LIPA: variants seen among roughly 807,000 people sequenced by gnomAD.
The protein encoded by LIPA is lysosomal acid lipase/cholesteryl ester hydrolase.
Under a neutral mutation model 40.6 loss-of-function variants are expected in LIPA, and 26 were observed. The observed-to-expected ratio is 0.64, with a 90% CI of 0.47 to 0.89. The LOEUF (loss-of-function observed/expected upper bound fraction) is 0.89. LIPA is among the 40% of genes least tolerant of loss of function. The pLI is 0.00. For synonymous variants in LIPA, 188 were observed against 168.4 expected, an observed-to-expected ratio of 1.12 and a Z score of -0.90; for missense variants, 455 against 479.6, an observed-to-expected ratio of 0.95 and a Z score of 0.48.
chr10:89,343,543 G>A (rs192594271), upstream of LIPA, among the ~76,000 whole-genome samples: 17 of 152,292 alleles, frequency 1.1e-4, no homozygotes, highest in East Asian at 3.3e-3. Context: ...AAGACAAGAG[G>A]GCAGGAGAAG....
intron 1 of LIPA, among the ~76,000 whole-genome samples, chr10:89,331,724 T>G (rs531681771): frequency 3.8e-4 from 57 of 151,854 alleles, no homozygotes; most frequent in Non-Finnish European, 6.9e-4. Flanking sequence ...CCAGGCGTGG[T>G]GGCACGTGCC....
intron 1 of LIPA, among the ~76,000 whole-genome samples, chr10:89,324,670 A>G (rs1020033649): frequency 6.6e-6 from 1 of 152,234 alleles, no homozygotes; most frequent in Non-Finnish European, 1.5e-5. Context: ...CAAATTAACA[A>G]GCAAAAAAGC....
At chr10:89,237,977 A>G (rs1260255738) in intron 3 of LIPA, among the ~76,000 whole-genome samples, 1 of 152,250 alleles carries the variant, frequency 6.6e-6, no homozygotes, top group Admixed American at 6.5e-5. Context: ...AGAGAACATC[A>G]TGAAGGTCTG....
upstream of LIPA, among the ~76,000 whole-genome samples, chr10:89,346,824 G>C (rs1208930750): frequency 6.6e-6 from 1 of 152,232 alleles, no homozygotes; most frequent in Non-Finnish European, 1.5e-5. Flanking sequence ...CATGATGGCT[G>C]AGGAATCTGG....
At chr10:89,410,360 C>T (rs1841459785) in intron 2 of LIPA, among the ~76,000 whole-genome samples, 1 of 152,174 alleles carries the variant, frequency 6.6e-6, no homozygotes, top group African/African-American at 2.4e-5. Flanking sequence ...CACTTTTCTC[C>T]CAGAGGTTGG....
chr10:89,345,356 C>A (rs898016423), upstream of LIPA, among the ~76,000 whole-genome samples: 1 of 151,838 alleles, frequency 6.6e-6, no homozygotes, highest in Non-Finnish European at 1.5e-5. Context: ...TGGTGAAAAC[C>A]CATCTCCACT....
chr10:89,258,836 A>C (rs765838872), intron 1 of LIPA, among the ~76,000 whole-genome samples: 6 of 152,250 alleles, frequency 3.9e-5, no homozygotes, highest in Admixed American at 6.5e-5. Flanking sequence ...TGAATAAATA[A>C]AATTTGATAT....
intron 1 of LIPA, among the ~76,000 whole-genome samples, chr10:89,262,353 T>C (rs1843215153): frequency 6.6e-6 from 1 of 152,122 alleles, no homozygotes; most frequent in South Asian, 2.1e-4. Context: ...ATCCCTGGAG[T>C]CTGCTCACAA....
chr10:89,279,281 C>T (rs1283769769), intron 1 of LIPA, among the ~76,000 whole-genome samples: 1 of 152,190 alleles, frequency 6.6e-6, no homozygotes, highest in Admixed American at 6.5e-5. Context: ...TATTCCTTCC[C>T]TCTTAGCTTA....
chr10:89,361,819 T>A (rs780343146), intron 2 of LIPA, among the ~76,000 whole-genome samples: 6 of 148,240 alleles, frequency 4.0e-5, no homozygotes, highest in Non-Finnish European at 5.9e-5. Flanking sequence ...CTAAGCCTTA[T>A]GCTCCTGGAA....
chr10:89,339,677 C>T lies in LIPA; in HGVS notation c.-2+2934G>A, dbSNP rs552290967. On this transcript the variant is annotated intron_variant, in intron 1 of 5. Coordinates refer to the LIPA transcript ENST00000282673. ...TCCGATCTCGCTGAGTTCCTGGAGA[C>T]GGAATGTTATCAGACACCATTCAAT... 34 of 1,614,138 alleles carry T rather than the reference C, an allele frequency of 2.1e-5. No homozygotes were observed. In the East Asian group the frequency reaches 3.3e-4, roughly 16 times the overall value.
chr10:89,241,942 AC>A (rs1842969778), intron 3 of LIPA, among the ~76,000 whole-genome samples: 1 of 152,204 alleles, frequency 6.6e-6, no homozygotes, highest in East Asian at 1.9e-4. Context: ...CTGCCCTGAG[AC>A]AAATTCATTT....
intron 2 of LIPA, chr10:89,402,233 T>C (rs1456022558): frequency 1.6e-6 from 2 of 1,253,360 alleles, no homozygotes; most frequent in Non-Finnish European, 2.3e-6. Context: ...ACTTTTTTCT[T>C]TTAGCTGTTC....
intron 2 of LIPA, among the ~76,000 whole-genome samples, chr10:89,369,225 C>T (rs1844078874): frequency 1.3e-5 from 2 of 152,168 alleles, no homozygotes; most frequent in African/African-American, 2.4e-5. Flanking sequence ...GGAAGAGAAA[C>T]TCAGTCTCCT....
At chr10:89,331,241 T>C (rs2133541926) in intron 1 of LIPA, among the ~76,000 whole-genome samples, 1 of 152,256 alleles carries the variant, frequency 6.6e-6, no homozygotes, top group African/African-American at 2.4e-5. Flanking sequence ...GGCCCGATCA[T>C]GGCTCACTGC....
intron 1 of LIPA, among the ~76,000 whole-genome samples, chr10:89,260,319 T>C (rs1274422560): frequency 1.3e-5 from 2 of 152,218 alleles, no homozygotes; most frequent in African/African-American, 2.4e-5. Flanking sequence ...CTTTGTGTGA[T>C]AGGCCACTCT....
At chr10:89,331,857 TCAAAAAA>T (rs1843655342) in intron 1 of LIPA, among the ~76,000 whole-genome samples, 1 of 79,090 alleles carries the variant, frequency 1.3e-5, no homozygotes, top group African/African-American at 5.9e-5. Flanking sequence ...AGATCCTGTC[TCAAAAAA>T]AAAAAAAAAA....
intron 1 of LIPA, among the ~76,000 whole-genome samples, chr10:89,325,460 C>T (rs910619976): frequency 3.3e-5 from 5 of 152,140 alleles, no homozygotes; most frequent in African/African-American, 1.2e-4. Flanking sequence ...GACATGGACT[C>T]AACCTAAATG....
At chr10:89,402,547 A>G (rs1217913047) in intron 2 of LIPA, 2 of 1,613,988 alleles carry the variant, frequency 1.2e-6, no homozygotes, top group Admixed American at 3.3e-5. Flanking sequence ...AACCAAGCAA[A>G]TGTGAGGAGT....
Sources: gnomAD v4.1 joint callset for allele counts (sites outside exome capture counted in the v4.1 genomes callset) on GRCh38, gnomAD v4.1.1 for gene constraint, MANE v1.5 for transcripts, NCBI Gene and HGNC (gene_info 2026-07-23, HGNC 2026-07-21) for gene names.